Variants in MAST4 observed in about 807,000 individuals in gnomAD.
MAST4 encodes microtubule-associated serine/threonine-protein kinase 4.
Under a neutral mutation model 162.7 loss-of-function variants are expected in MAST4, and 89 were observed. That is an observed-to-expected ratio of 0.55 (90% CI 0.46 to 0.65). The LOEUF (loss-of-function observed/expected upper bound fraction) is 0.65. Among genes scored for constraint, MAST4 ranks in the 30% least tolerant of loss-of-function variants. The pLI, the probability that MAST4 is intolerant of heterozygous loss-of-function variation, is 0.00. For missense variants in MAST4, 3,153 were observed against 3,374.0 expected (o/e 0.93, Z 1.62); for synonymous variants, 1,479 against 1,361.1 (o/e 1.09, Z -1.91).
chr5:67,017,120 A>G (rs1753392325), intron 4 of MAST4, among the ~76,000 whole-genome samples: 1 of 152,210 alleles, frequency 6.6e-6, no homozygotes, highest in Non-Finnish European at 1.5e-5. Context: ...CGAAAAAGTA[A>G]CTGCTTTGTA....
At chr5:66,692,670 A>G (rs1445730985) in intron 1 of MAST4, among the ~76,000 whole-genome samples, 2 of 152,166 alleles carry the variant, frequency 1.3e-5, no homozygotes, top group East Asian at 3.9e-4. Context: ...ACTTGTTTGC[A>G]TATCATTCAT....
In MAST4 at chr5:67,119,605, TG is replaced by T. The variant is rs924499152; in HGVS notation, c.1659+859del. Among the ~76,000 whole-genome samples the T allele has an allele frequency of 5.9e-5, 9 of 152,342 alleles. 1 individual carries two copies. The Middle Eastern group carries it at 0.01, about 173-fold the overall frequency. ...AAATGAGATTTTTATGTAAAACGGT[TG>T]GGACAGTATCACATAGTAAGTGCTA... On this transcript the variant is annotated intron_variant, in intron 13 of 28. Coordinates refer to ENST00000403625, the MANE Select transcript of MAST4 (RefSeq NM_001164664.2).
chr5:66,916,319 G>A (rs1305364163), intron 4 of MAST4, among the ~76,000 whole-genome samples: 3 of 152,126 alleles, frequency 2.0e-5, no homozygotes, highest in Non-Finnish European at 4.4e-5. Flanking sequence ...CTGATACACA[G>A]GGGGGAAAGA....
At chr5:67,094,432 C>T (rs1202303607) in intron 6 of MAST4, among the ~76,000 whole-genome samples, 1 of 152,108 alleles carries the variant, frequency 6.6e-6, no homozygotes, top group Non-Finnish European at 1.5e-5. Context: ...AAATTTTGTC[C>T]ACTCTTGTCA....
chr5:66,717,115 G>T (rs952002838), intron 1 of MAST4, among the ~76,000 whole-genome samples: 5 of 152,122 alleles, frequency 3.3e-5, no homozygotes, highest in African/African-American at 1.2e-4. Flanking sequence ...GAGGAGCCTG[G>T]ACTTCAGGCT....
At chr5:66,690,695 T>C (rs1365185895) in intron 1 of MAST4, among the ~76,000 whole-genome samples, 2 of 152,178 alleles carry the variant, frequency 1.3e-5, no homozygotes, top group Admixed American at 6.5e-5. Context: ...TCTAGCACTG[T>C]TGAAAAATTG....
At chr5:66,619,492 G>A (rs988344812) in intron 1 of MAST4, among the ~76,000 whole-genome samples, 1 of 152,166 alleles carries the variant, frequency 6.6e-6, no homozygotes, top group Non-Finnish European at 1.5e-5. Flanking sequence ...TATAGAGAAT[G>A]ATACATTCTC....
intron 4 of MAST4, among the ~76,000 whole-genome samples, chr5:66,940,371 G>C (rs931647926): frequency 2.0e-5 from 3 of 152,030 alleles, no homozygotes; most frequent in African/African-American, 7.2e-5. Flanking sequence ...AATGCTATTT[G>C]GTAGCATTTT....
At chr5:66,842,982 C>G (rs1201452863) in intron 3 of MAST4, among the ~76,000 whole-genome samples, 2 of 152,090 alleles carry the variant, frequency 1.3e-5, no homozygotes, top group Non-Finnish European at 2.9e-5. Context: ...TAGCCTAGAC[C>G]AATCAAAATA....
At chr5:66,713,859 A>AT (rs1422477359) in intron 1 of MAST4, among the ~76,000 whole-genome samples, 1 of 151,974 alleles carries the variant, frequency 6.6e-6, no homozygotes, top group African/African-American at 2.4e-5. Context: ...ATGGCGTCTT[A>AT]TTTTTTTCAT....
intron 1 of MAST4, among the ~76,000 whole-genome samples, chr5:66,644,169 C>T (rs1047051325): frequency 5.3e-5 from 8 of 151,468 alleles, no homozygotes; most frequent in African/African-American, 1.9e-4. Flanking sequence ...AATTAAGATC[C>T]TACTAGATGT....
chr5:66,715,655 A>G (rs1194127290), intron 1 of MAST4, among the ~76,000 whole-genome samples: 1 of 146,428 alleles, frequency 6.8e-6, no homozygotes, highest in Non-Finnish European at 1.5e-5. Context: ...ATGTACCCTA[A>G]AACTTAAAGT....
In MAST4 at chr5:66,784,125, C is replaced by G. The variant is rs558525709; in HGVS notation, c.518-4545C>G. Among the ~76,000 whole-genome samples the G allele has an allele frequency of 1.3e-3, 194 of 152,132 alleles. 6 individuals carry two copies. In the South Asian group the frequency reaches 0.038, roughly 30 times the overall value. Reference sequence around the variant, plus strand: ...CCCCATCAAATCTCTCCCCTGGCTCCTTGCTTTTCAACCTAGGACGTAGGA... The same window carrying G: ...CCCCATCAAATCTCTCCCCTGGCTCGTTGCTTTTCAACCTAGGACGTAGGA... On this transcript the variant is annotated intron_variant, in intron 2 of 28. Coordinates refer to ENST00000403625, the MANE Select transcript of MAST4 (RefSeq NM_001164664.2).
chr5:66,803,731 G>C (rs547573410), intron 3 of MAST4, among the ~76,000 whole-genome samples: 1 of 151,714 alleles, frequency 6.6e-6, no homozygotes. Flanking sequence ...TGGAGGAGGG[G>C]GTAATTTTGC....
intron 3 of MAST4, 86 bp from the exon 4 acceptor site, chr5:66,899,865 G>A: frequency 9.4e-7 from 1 of 1,063,334 alleles, no homozygotes; most frequent in South Asian, 1.8e-5. Flanking sequence ...AATGAAGGAT[G>A]ATACATTCTA....
At chr5:66,723,698 C>T (rs891926090) in intron 1 of MAST4, among the ~76,000 whole-genome samples, 1 of 152,076 alleles carries the variant, frequency 6.6e-6, no homozygotes, top group Non-Finnish European at 1.5e-5. Flanking sequence ...TACTTGTGTG[C>T]TTTTTCAAGG....
chr5:66,975,602 G>T (rs1748045016), intron 4 of MAST4, among the ~76,000 whole-genome samples: 1 of 152,144 alleles, frequency 6.6e-6, no homozygotes, highest in Admixed American at 6.5e-5. Context: ...GTGTGTGTAA[G>T]GTAGAAACAC....
intron 3 of MAST4, among the ~76,000 whole-genome samples, chr5:66,811,341 GAC>G (rs1263966539): frequency 1.3e-5 from 2 of 152,096 alleles, no homozygotes; most frequent in Non-Finnish European, 2.9e-5. Context: ...TGTTTTTAAT[GAC>G]ACCATTTTTG....
rs569152967 is a variant in MAST4, at chr5:66,611,098, T to G, written c.363+14080T>G. Among the ~76,000 whole-genome samples the G allele has an allele frequency of 9.8e-5, 15 of 152,324 alleles. No individual in the cohort carries two copies. In the East Asian group the frequency reaches 2.5e-3, roughly 25 times the overall value. ...GCCAAGGGCCCTTTGTCCATAACAT[T>G]TTTTTTCTTTGTGTAACAGAATTTC... On this transcript the variant is annotated intron_variant, in intron 1 of 28. Coordinates refer to ENST00000403625, the MANE Select transcript of MAST4 (RefSeq NM_001164664.2).
Sources: allele counts gnomAD v4.1 joint callset (sites outside exome capture counted in the v4.1 genomes callset), GRCh38; gene constraint gnomAD v4.1.1; transcripts MANE v1.5; gene names NCBI Gene and HGNC (gene_info 2026-07-23, HGNC 2026-07-21).